The following CPQ variants were observed in gnomAD, a reference collection of about 807,000 sequenced individuals.
The protein encoded by CPQ is carboxypeptidase Q, also known as Ser-Met dipeptidase.
CPQ carries 37 observed loss-of-function variants against 45.7 expected under a neutral mutation model. The observed-to-expected ratio is 0.81, with a 90% CI of 0.62 to 1.07. The LOEUF (loss-of-function observed/expected upper bound fraction) is 1.07. CPQ is among the 50% of genes least tolerant of loss of function. The pLI, the probability that CPQ is intolerant of heterozygous loss-of-function variation, is 0.00. For synonymous variants in CPQ, 186 were observed against 205.8 expected (o/e 0.90, Z 0.82); for missense variants, 537 against 572.9 (o/e 0.94, Z 0.64).
chr8:96,839,432 C>T (rs1301747912), intron 3 of CPQ, among the ~76,000 whole-genome samples: 1 of 152,038 alleles, frequency 6.6e-6, no homozygotes, highest in African/African-American at 2.4e-5. Flanking sequence ...AACTGAGACC[C>T]CCCCATTAGA....
At chr8:96,842,297 G>A (rs981875178) in intron 3 of CPQ, among the ~76,000 whole-genome samples, 1 of 152,088 alleles carries the variant, frequency 6.6e-6, no homozygotes, top group African/African-American at 2.4e-5. Flanking sequence ...AAGATAATTA[G>A]CTATCAAGCT....
intron 7 of CPQ, among the ~76,000 whole-genome samples, chr8:97,091,021 T>A (rs1286616812): frequency 6.6e-6 from 1 of 152,160 alleles, no homozygotes; most frequent in Non-Finnish European, 1.5e-5. Flanking sequence ...GGAGAACTCA[T>A]GTCATGGGGA....
intron 1 of CPQ, among the ~76,000 whole-genome samples, chr8:96,743,668 T>C (rs1810128993): frequency 6.6e-6 from 1 of 152,204 alleles, no homozygotes; most frequent in Non-Finnish European, 1.5e-5. Context: ...TGGATGTCCT[T>C]TCTGTTTCTT....
At chr8:96,670,586 A>G (rs1808989226) in intron 1 of CPQ, among the ~76,000 whole-genome samples, 1 of 152,202 alleles carries the variant, frequency 6.6e-6, no homozygotes, top group African/African-American at 2.4e-5. Context: ...GCTAATGTTT[A>G]TAACAGCTTT....
At chr8:96,675,511 T>G (rs1239549734) in intron 1 of CPQ, among the ~76,000 whole-genome samples, 1 of 152,086 alleles carries the variant, frequency 6.6e-6, no homozygotes, top group African/African-American at 2.4e-5. Context: ...CTTTTCCTAT[T>G]ACAAACAGTG....
At chr8:97,022,191 A>C in intron 5 of CPQ, among the ~76,000 whole-genome samples, 1 of 152,220 alleles carries the variant, frequency 6.6e-6, no homozygotes, top group Non-Finnish European at 1.5e-5. Context: ...ATGTAGGAGA[A>C]TGAAACTGGA....
At chr8:96,790,691 G>A (rs1346287721) in intron 2 of CPQ, among the ~76,000 whole-genome samples, 2 of 152,096 alleles carry the variant, frequency 1.3e-5, no homozygotes, top group African/African-American at 2.4e-5. Context: ...GGTGGGAGAG[G>A]AAAGCAGATC....
intron 6 of CPQ, among the ~76,000 whole-genome samples, chr8:97,036,177 C>A (rs1810002255): frequency 6.6e-6 from 1 of 152,034 alleles, no homozygotes; most frequent in South Asian, 2.1e-4. Flanking sequence ...CTGCTCATAA[C>A]CACGGCCGAC....
intron 4 of CPQ, among the ~76,000 whole-genome samples, chr8:96,903,490 A>T (rs1812538830): frequency 6.6e-6 from 1 of 152,226 alleles, no homozygotes; most frequent in South Asian, 2.1e-4. Flanking sequence ...CTCCCTGATC[A>T]GGCTGATTTT....
At position 97,120,083 on chromosome 8, in the gene CPQ, A is replaced by G. The variant is rs1811672671; in HGVS notation, c.1256-22937A>G. Among the ~76,000 whole-genome samples, 3 of 152,198 alleles carry G rather than the reference A, an allele frequency of 2.0e-5. No individual in the cohort carries two copies. The South Asian group carries it at 6.2e-4, about 32-fold the overall frequency. On this transcript the variant is annotated intron_variant, in intron 7 of 7. Transcript: ENST00000220763. ...ATCCAGGCTGACTAAGAACATACAC[A>G]AGTAAATAACAAAACTTTGTCTAAC... is the stretch of plus-strand genomic sequence containing the variant.
intron 7 of CPQ, among the ~76,000 whole-genome samples, chr8:97,083,452 T>C (rs1810991360): frequency 6.6e-6 from 1 of 152,188 alleles, no homozygotes; most frequent in Non-Finnish European, 1.5e-5. Flanking sequence ...GCATACACTA[T>C]AACCACCCTG....
At chr8:96,736,623 AG>A (rs1382878596) in intron 1 of CPQ, among the ~76,000 whole-genome samples, 2 of 152,180 alleles carry the variant, frequency 1.3e-5, no homozygotes, top group African/African-American at 4.8e-5. Context: ...TCTTACTGAT[AG>A]GGATGGAAAA....
At chr8:96,972,655 G>A (rs895677493) in intron 5 of CPQ, among the ~76,000 whole-genome samples, 3 of 152,208 alleles carry the variant, frequency 2.0e-5, no homozygotes, top group African/African-American at 7.2e-5. Flanking sequence ...AATTCCATCA[G>A]AGCAGGTGCT....
intron 5 of CPQ, among the ~76,000 whole-genome samples, chr8:97,015,625 T>A (rs1809566702): frequency 6.6e-6 from 1 of 152,048 alleles, no homozygotes; most frequent in African/African-American, 2.4e-5. Flanking sequence ...AAGTAACTTT[T>A]CTCAGGCATT....
chr8:96,721,904 A>G (rs1488303169), intron 1 of CPQ, among the ~76,000 whole-genome samples: 1 of 151,552 alleles, frequency 6.6e-6, no homozygotes, highest in Non-Finnish European at 1.5e-5. Context: ...CGGAATTCCT[A>G]CTCTGTCTCC....
rs377165667 is a variant in CPQ at position 97,084,892 on chromosome 8, G to C, written c.1255+18682G>C. On this transcript the variant is annotated intron_variant, in intron 7 of 7. Transcript: ENST00000220763. Reference sequence around the variant, plus strand: ...ACCACACCAGGAATTGAGCATAAAGGCTTTCTCTTACCCATCTACACACCT... The same window carrying C: ...ACCACACCAGGAATTGAGCATAAAGCCTTTCTCTTACCCATCTACACACCT... Among the ~76,000 whole-genome samples the C allele has an allele frequency of 1.7e-4, 26 of 150,036 alleles. No individual in the cohort carries two copies. In the South Asian group the frequency reaches 5.5e-3, roughly 32 times the overall value.
intron 3 of CPQ, among the ~76,000 whole-genome samples, chr8:96,852,810 C>G (rs1324510872): frequency 6.6e-6 from 1 of 152,146 alleles, no homozygotes; most frequent in Non-Finnish European, 1.5e-5. Flanking sequence ...CTCTCTGTCT[C>G]TCTCCTCTAT....
chr8:97,040,309 C>T (rs536264649), intron 6 of CPQ, among the ~76,000 whole-genome samples: 48 of 152,138 alleles, frequency 3.2e-4, no homozygotes, highest in South Asian at 1.0e-3. Flanking sequence ...TCATGTCCTT[C>T]GCCCACTTTT....
At position 96,715,632 on chromosome 8, in the gene CPQ, T is replaced by C. The variant is rs540857053; in HGVS notation, c.-34-69232T>C. 3.2e-4 allele frequency among the ~76,000 whole-genome samples: 48 copies of C among 152,256 alleles called. 1 individual carries two copies. The highest frequency in any genetic ancestry group is 3.4e-3 in the Middle Eastern group (1 of 294). On this transcript the variant is annotated intron_variant, in intron 1 of 7. Coordinates refer to ENST00000220763, the MANE Select transcript of CPQ (RefSeq NM_016134.4). ...CATGAGTACCAGGGCTGCCCAAGTATTGGATAGAGCTGCAGACTTTCCCTG... is the reference window on the plus strand; with the variant it reads ...CATGAGTACCAGGGCTGCCCAAGTACTGGATAGAGCTGCAGACTTTCCCTG...
Sources: allele counts gnomAD v4.1 joint callset (sites outside exome capture counted in the v4.1 genomes callset), GRCh38; gene constraint gnomAD v4.1.1; transcripts MANE v1.5; gene names NCBI Gene and HGNC (gene_info 2026-07-23, HGNC 2026-07-21).